The following NPAS3 variants were observed in gnomAD, a reference collection of about 807,000 sequenced individuals.
The protein encoded by NPAS3 is neuronal PAS domain-containing protein 3.
In NPAS3, 14 loss-of-function variants were observed where a neutral mutation model predicts 73.1. The ratio of observed to expected loss-of-function variants is 0.19; its 90% CI spans 0.13 to 0.30. The LOEUF is 0.30. Ranked by LOEUF, NPAS3 falls within the 10% of genes least tolerant of loss-of-function variation. The probability of loss-of-function intolerance (pLI) is 1.00; values close to 1 mark genes in which losing one functional copy is unlikely to be tolerated. For missense variants in NPAS3, 1,096 were observed against 1,250.0 expected (o/e 0.88, Z 1.86); for synonymous variants, 620 against 541.5 (o/e 1.14, Z -2.01).
chr14:33,318,205 A>C (rs919558866), intron 3 of NPAS3, among the ~76,000 whole-genome samples: 1 of 152,120 alleles, frequency 6.6e-6, no homozygotes, highest in African/African-American at 2.4e-5. Context: ...ACGTCTGTGA[A>C]CTTTGAGGAC....
chr14:33,551,313 C>T (rs561489026), intron 4 of NPAS3, among the ~76,000 whole-genome samples: 1 of 152,292 alleles, frequency 6.6e-6, no homozygotes, highest in Non-Finnish European at 1.5e-5. Context: ...CGTTACTACT[C>T]CCGACACAAA....
chr14:33,296,310 G>A (rs999121389), intron 3 of NPAS3, among the ~76,000 whole-genome samples: 1 of 152,016 alleles, frequency 6.6e-6, no homozygotes, highest in Admixed American at 6.6e-5. Context: ...ACATCATTCA[G>A]TATGTGTACA....
Position 33,762,569 on chromosome 14 carries a change from C to CT in NPAS3, c.853-11760dup, listed in dbSNP as rs796435489. Among the ~76,000 whole-genome samples, 83 of 151,974 alleles carry CT rather than the reference C, an allele frequency of 5.5e-4. 1 individual carries two copies. The highest frequency in any genetic ancestry group is 6.8e-3 in the Middle Eastern group (2 of 294). On this transcript the variant is annotated intron_variant, in intron 7 of 11. Coordinates refer to ENST00000356141, the Ensembl canonical transcript of NPAS3. ...GAATGTGCATCTTTGTTTGGGGGCT[C>CT]TTTTTTTTAAGACTTTCTACAAAAT... is the stretch of plus-strand genomic sequence containing the variant.
intron 4 of NPAS3, among the ~76,000 whole-genome samples, chr14:33,467,638 T>TC (rs1485949736): frequency 5.3e-5 from 8 of 152,134 alleles, no homozygotes; most frequent in Admixed American, 4.6e-4. Flanking sequence ...GAATTGTCCC[T>TC]CCCCCGGCTA....
chr14:33,111,784 T>C (rs2042902784), intron 2 of NPAS3, among the ~76,000 whole-genome samples: 1 of 151,748 alleles, frequency 6.6e-6, no homozygotes, highest in Non-Finnish European at 1.5e-5. Flanking sequence ...TTACATTAGG[T>C]ATATCTCCTA....
intron 7 of NPAS3, among the ~76,000 whole-genome samples, chr14:33,741,305 A>G (rs989483182): frequency 3.9e-5 from 6 of 152,170 alleles, no homozygotes; most frequent in African/African-American, 1.4e-4. Flanking sequence ...TGTCAAATCA[A>G]TAGGTGAATT....
intron 4 of NPAS3, among the ~76,000 whole-genome samples, chr14:33,487,507 G>T (rs2051668979): frequency 6.6e-6 from 1 of 152,182 alleles, no homozygotes; most frequent in Non-Finnish European, 1.5e-5. Context: ...CAATAGGCTA[G>T]AGGGAAATAT....
At chr14:33,018,115 C>A (rs2039459491) in intron 1 of NPAS3, among the ~76,000 whole-genome samples, 1 of 152,128 alleles carries the variant, frequency 6.6e-6, no homozygotes, top group Admixed American at 6.5e-5. Flanking sequence ...TTTTCTCCAG[C>A]AATTTGTTAA....
rs145338299 is a variant in NPAS3, at chr14:33,284,527, T to C, written c.385+69101T>C. Among the ~76,000 whole-genome samples, 413 of 152,246 alleles carry C rather than the reference T, an allele frequency of 2.7e-3. 4 individuals are homozygous for C. Among genetic ancestry groups the C allele is most frequent in the African/African-American group, 9.6e-3 (399 of 41,548 alleles). The stretch of plus-strand genomic sequence containing the variant: ...AAAGCCTCTATGTATAGATGCTTGA[T>C]TTGAAGCCACAAATCTGCCACATTA... On this transcript the variant is annotated intron_variant, in intron 3 of 11. Transcript: ENST00000356141.
intron 4 of NPAS3, among the ~76,000 whole-genome samples, chr14:33,482,481 A>G (rs1286427639): frequency 6.6e-6 from 1 of 152,168 alleles, no homozygotes; most frequent in East Asian, 1.9e-4. Context: ...CTTTGATTCC[A>G]TACAGAGTTT....
intron 2 of NPAS3, among the ~76,000 whole-genome samples, chr14:33,058,746 C>A (rs966845426): frequency 6.6e-6 from 1 of 152,158 alleles, no homozygotes; most frequent in Non-Finnish European, 1.5e-5. Flanking sequence ...CATATAACTG[C>A]ACATATGTGT....
chr14:33,498,931 AGAGAGTGTGTGTGTGTGTGTGTGTGT>A lies in NPAS3; in HGVS notation c.469-61188_469-61163del, dbSNP rs1218937416. On this transcript the variant is annotated intron_variant, in intron 4 of 11. Coordinates refer to ENST00000356141, the Ensembl canonical transcript of NPAS3. ...AAATGAATGAGAGAGAGAGACAGAG[AGAGAGTGTGTGTGTGTGTGTGTGTGT>A]GTGTGTGTGTGTGTGTGTGTGTGTG... 1.5e-3 allele frequency among the ~76,000 whole-genome samples: 180 copies of A among 119,332 alleles called. 2 individuals are homozygous for A. Among genetic ancestry groups the A allele is most frequent in the African/African-American group, 4.4e-3 (124 of 27,930 alleles). The allele number at this position is 119,332 out of a possible 152,430, so 78.3% of individuals were successfully genotyped here.
At chr14:33,245,083 C>T (rs1288570405) in intron 3 of NPAS3, among the ~76,000 whole-genome samples, 1 of 152,116 alleles carries the variant, frequency 6.6e-6, no homozygotes, top group Non-Finnish European at 1.5e-5. Flanking sequence ...AGGATATAGA[C>T]TCCTTTTCAT....
At chr14:33,773,445 C>T (rs1423525731) in intron 7 of NPAS3, among the ~76,000 whole-genome samples, 1 of 152,178 alleles carries the variant, frequency 6.6e-6, no homozygotes, top group Non-Finnish European at 1.5e-5. Context: ...CTTCTGCAAC[C>T]TAAGGCATAG....
intron 4 of NPAS3, among the ~76,000 whole-genome samples, chr14:33,408,392 T>C (rs1228242468): frequency 6.6e-6 from 1 of 152,118 alleles, no homozygotes; most frequent in Non-Finnish European, 1.5e-5. Flanking sequence ...AACCTCACAT[T>C]TGTTCTCTCT....
intron 5 of NPAS3, among the ~76,000 whole-genome samples, chr14:33,582,581 TTAA>T (rs1181887183): frequency 1.3e-5 from 2 of 152,206 alleles, no homozygotes; most frequent in Non-Finnish European, 2.9e-5. Flanking sequence ...TATGCACTAT[TTAA>T]TAGGTTGTTT....
chr14:33,227,027 A>T (rs2047661346), intron 3 of NPAS3, among the ~76,000 whole-genome samples: 1 of 152,200 alleles, frequency 6.6e-6, no homozygotes, highest in African/African-American at 2.4e-5. Context: ...TTTTGAAAAG[A>T]GGCATGAAGA....
chr14:33,249,336 C>T (rs1346106109), intron 3 of NPAS3, among the ~76,000 whole-genome samples: 1 of 101,000 alleles, frequency 9.9e-6, no homozygotes, highest in East Asian at 2.8e-4. Flanking sequence ...CATTTTAATT[C>T]CCGTCCCCCC....
chr14:33,352,345 T>G lies in NPAS3; in HGVS notation c.386-14841T>G, dbSNP rs140930815. Among the ~76,000 whole-genome samples the G allele has an allele frequency of 8.2e-3, 1,242 of 152,330 alleles. 5 individuals carry two copies. The highest frequency in any genetic ancestry group is 0.012 in the Non-Finnish European group (806 of 68,040). On this transcript the variant is annotated intron_variant, in intron 3 of 11. Coordinates refer to ENST00000356141, the Ensembl canonical transcript of NPAS3. Reference sequence around the variant, plus strand: ...TGGTGACTTTCTTTAATCTTCGTCGTCAAAAGCATCTTGTCAGCACTCATT... The same window carrying G: ...TGGTGACTTTCTTTAATCTTCGTCGGCAAAAGCATCTTGTCAGCACTCATT...
Sources: gnomAD v4.1 joint callset for allele counts (sites outside exome capture counted in the v4.1 genomes callset) on GRCh38, gnomAD v4.1.1 for gene constraint, MANE v1.5 for transcripts, NCBI Gene and HGNC (gene_info 2026-07-23, HGNC 2026-07-21) for gene names.